DSCAM: variants seen among roughly 807,000 people sequenced by gnomAD.
DSCAM encodes cell adhesion molecule DSCAM.
In DSCAM, 47 loss-of-function variants were observed where a neutral mutation model predicts 217.7. The observed-to-expected ratio is 0.22, with a 90% CI of 0.17 to 0.28. DSCAM has a LOEUF of 0.28. Among genes scored for constraint, DSCAM ranks in the 10% least tolerant of loss-of-function variants. DSCAM has a pLI of 1.00. For synonymous variants in DSCAM, 1,056 were observed against 1,015.3 expected (o/e 1.04, Z -0.76); for missense variants, 2,080 against 2,618.3 (o/e 0.79, Z 4.49).
At chr21:40,659,267 T>C (rs748984491) in intron 3 of DSCAM, among the ~76,000 whole-genome samples, 7 of 152,208 alleles carry the variant, frequency 4.6e-5, no homozygotes, top group African/African-American at 7.2e-5. Context: ...TATAGAAGGA[T>C]TGTCTGGTGT....
At chr21:40,498,114 G>A (rs1249903338) in intron 3 of DSCAM, among the ~76,000 whole-genome samples, 2 of 152,082 alleles carry the variant, frequency 1.3e-5, no homozygotes, top group African/African-American at 2.4e-5. Context: ...TTTATAAAAC[G>A]GGAATAATAA....
intron 30 of DSCAM, 32 bp from the exon 31 acceptor site, chr21:40,044,307 G>A: frequency 6.3e-7 from 1 of 1,595,756 alleles, no homozygotes; most frequent in Non-Finnish European, 8.6e-7. Flanking sequence ...GTCTGCCTTT[G>A]TCTGCAGGAG....
intron 3 of DSCAM, among the ~76,000 whole-genome samples, chr21:40,589,256 T>C (rs553281173): frequency 9.8e-5 from 15 of 152,324 alleles, no homozygotes; most frequent in African/African-American, 3.4e-4. Flanking sequence ...CTCCATGCTT[T>C]CTATCTAAAC....
At chr21:40,291,106 A>T (rs9975585) in intron 10 of DSCAM, among the ~76,000 whole-genome samples, 1 of 151,984 alleles carries the variant, frequency 6.6e-6, no homozygotes, top group Non-Finnish European at 1.5e-5. Flanking sequence ...CACTTCCACT[A>T]TCCTCACTGC....
chr21:40,298,116 T>G (rs1332497723), intron 9 of DSCAM, among the ~76,000 whole-genome samples: 5 of 149,660 alleles, frequency 3.3e-5, no homozygotes, highest in African/African-American at 1.2e-4. Context: ...GGAGTCTTAC[T>G]CTGTTGCCTA....
At chr21:40,035,766 T>TA (rs1161977233) in intron 32 of DSCAM, among the ~76,000 whole-genome samples, 2 of 149,102 alleles carry the variant, frequency 1.3e-5, no homozygotes, top group Non-Finnish European at 3.0e-5. Flanking sequence ...TACTTGGAAG[T>TA]AAAGCTCTCC....
chr21:40,442,296 G>A (rs898505841), intron 3 of DSCAM, among the ~76,000 whole-genome samples: 2 of 152,018 alleles, frequency 1.3e-5, no homozygotes, highest in Non-Finnish European at 2.9e-5. Flanking sequence ...AAGTCTGGAT[G>A]TTGAGGTCAA....
chr21:40,612,666 C>T (rs1160003146), intron 3 of DSCAM, among the ~76,000 whole-genome samples: 1 of 152,160 alleles, frequency 6.6e-6, no homozygotes, highest in Non-Finnish European at 1.5e-5. Context: ...GTTTGTTATA[C>T]AGCATGAGGA....
chr21:40,591,291 A>G (rs2076982719), intron 3 of DSCAM, among the ~76,000 whole-genome samples: 1 of 152,180 alleles, frequency 6.6e-6, no homozygotes, highest in Non-Finnish European at 1.5e-5. Context: ...GAAACAGAAT[A>G]ATACACTTAT....
At chr21:40,131,768 C>A (rs2090156676) in intron 19 of DSCAM, among the ~76,000 whole-genome samples, 1 of 152,182 alleles carries the variant, frequency 6.6e-6, no homozygotes, top group Non-Finnish European at 1.5e-5. Context: ...AAGTGGGATT[C>A]ATGGCATCTT....
chr21:40,315,242 T>A (rs181969557), intron 8 of DSCAM, among the ~76,000 whole-genome samples: 2,114 of 143,070 alleles, frequency 0.015, 40 homozygotes, highest in African/African-American at 0.051. Flanking sequence ...CTACTAAAAA[T>A]AAAAAAAAAA....
rs150608467 is a variant in DSCAM at position 40,554,239 on chromosome 21, G to C, written c.508+138571C>G. On this transcript the variant is annotated intron_variant, in intron 3 of 32. Coordinates refer to ENST00000400454, the MANE Select transcript of DSCAM (RefSeq NM_001389.5). ...AATGCGACAAATTGTTGGATTAAACGAATTAAAAACATTTTAGAACATAAC... is the reference window on the plus strand; with the variant it reads ...AATGCGACAAATTGTTGGATTAAACCAATTAAAAACATTTTAGAACATAAC... Among the ~76,000 whole-genome samples, 1,378 of 149,770 alleles carry C rather than the reference G, an allele frequency of 9.2e-3. 19 individuals are homozygous for C. Among genetic ancestry groups the C allele is most frequent in the African/African-American group, 0.032 (1,290 of 40,648 alleles).
chr21:40,486,779 A>C (rs942389963), intron 3 of DSCAM, among the ~76,000 whole-genome samples: 16 of 152,166 alleles, frequency 1.1e-4, no homozygotes, highest in African/African-American at 3.9e-4. Flanking sequence ...TGAATGGCTC[A>C]AGCTTGAAAC....
chr21:40,138,066 A>G (rs569524012), intron 18 of DSCAM, among the ~76,000 whole-genome samples: 2 of 152,350 alleles, frequency 1.3e-5, no homozygotes, highest in South Asian at 4.1e-4. Context: ...AAATCAGAAA[A>G]TTCATCAAAA....
At chr21:40,536,396 G>A (rs1041525148) in intron 3 of DSCAM, among the ~76,000 whole-genome samples, 5 of 149,302 alleles carry the variant, frequency 3.3e-5, no homozygotes, top group African/African-American at 9.9e-5. Context: ...CTGACCGGTA[G>A]AGTCTTTTTT....
intron 16 of DSCAM, among the ~76,000 whole-genome samples, chr21:40,159,464 T>C (rs540844416): frequency 6.6e-6 from 1 of 152,340 alleles, no homozygotes; most frequent in East Asian, 1.9e-4. Context: ...TTAGCTTGAT[T>C]TTCCAATTTG....
chr21:40,597,832 G>A (rs1039851349), intron 3 of DSCAM, among the ~76,000 whole-genome samples: 1 of 152,026 alleles, frequency 6.6e-6, no homozygotes, highest in Non-Finnish European at 1.5e-5. Context: ...AACAGTTACA[G>A]ATGTATAGAA....
At chr21:40,161,948 A>C (rs1488816518) in intron 16 of DSCAM, among the ~76,000 whole-genome samples, 2 of 152,234 alleles carry the variant, frequency 1.3e-5, no homozygotes, top group Non-Finnish European at 2.9e-5. Context: ...TCTAAGCTTA[A>C]GTTTACAATT....
At chr21:40,166,004 G>A (rs922464536) in intron 16 of DSCAM, among the ~76,000 whole-genome samples, 6 of 152,134 alleles carry the variant, frequency 3.9e-5, no homozygotes, top group Admixed American at 6.5e-5. Context: ...CACGCTGCCC[G>A]CTGGAAACAC....
Sources: allele counts gnomAD v4.1 joint callset (sites outside exome capture counted in the v4.1 genomes callset), GRCh38; gene constraint gnomAD v4.1.1; transcripts MANE v1.5; gene names NCBI Gene and HGNC (gene_info 2026-07-23, HGNC 2026-07-21).